ELAPOR2: variants seen among roughly 807,000 people sequenced by gnomAD.
ELAPOR2 encodes endosome/lysosome-associated apoptosis and autophagy regulator family member 2.
In ELAPOR2, 89 loss-of-function variants were observed where a neutral mutation model predicts 120.7. The observed-to-expected ratio is 0.74, with a 90% CI of 0.62 to 0.88. ELAPOR2 has a LOEUF of 0.88. Ranked by LOEUF, ELAPOR2 falls within the 40% of genes least tolerant of loss-of-function variation. ELAPOR2 has a pLI of 0.00. For missense variants in ELAPOR2, 1,134 were observed against 1,251.6 expected, an observed-to-expected ratio of 0.91 and a Z score of 1.42; for synonymous variants, 444 against 444.9, an observed-to-expected ratio of 1.00 and a Z score of 0.03.
intron 18 of ELAPOR2, among the ~76,000 whole-genome samples, chr7:86,901,658 A>G (rs571484198): frequency 6.6e-6 from 1 of 152,344 alleles, no homozygotes; most frequent in African/African-American, 2.4e-5. Flanking sequence ...GAAAGGCCAC[A>G]GTTTTGTGTA....
rs548456315 is a variant in ELAPOR2 at position 87,042,854 on chromosome 7, T to A, written c.189+16471A>T. On this transcript the variant is annotated intron_variant, in intron 1 of 21. Coordinates refer to ENST00000450689, the MANE Select transcript of ELAPOR2 (RefSeq NM_001142749.3). ...TTTTGAAAGGATCAACAAAATTGAA[T>A]GACCACTAGAAAGACTAATAAAGAC... 2.2e-4 allele frequency among the ~76,000 whole-genome samples: 34 copies of A among 151,954 alleles called. 1 individual carries two copies. In the South Asian group the frequency reaches 6.5e-3, roughly 29 times the overall value.
intron 1 of ELAPOR2, among the ~76,000 whole-genome samples, chr7:87,013,197 G>A (rs906335566): frequency 5.9e-5 from 9 of 152,104 alleles, no homozygotes; most frequent in South Asian, 2.1e-4. Context: ...TTCAATAGAA[G>A]AGAATGAAGC....
chr7:87,053,584 G>A (rs902857571), intron 1 of ELAPOR2, among the ~76,000 whole-genome samples: 1 of 152,160 alleles, frequency 6.6e-6, no homozygotes, highest in African/African-American at 2.4e-5. Flanking sequence ...GGTGCCCTTG[G>A]AGAGAGCACA....
Position 86,919,224 on chromosome 7 carries a change from ATC to A in ELAPOR2, c.1484_1485del (p.Gly495ValfsTer2), listed in dbSNP as rs1562921949. ...AATTAGAATTGTTTTCCTTACTTAAATCCTGGGATATGCAAGTTTAAGATCAG... is the reference window on the plus strand; with the variant it reads ...AATTAGAATTGTTTTCCTTACTTAAACTGGGATATGCAAGTTTAAGATCAG... ...DYLILNLHIP[G>X]FKPPTSMTGA... On this transcript the variant is annotated frameshift_variant, in exon 11 of 22. Transcript: ENST00000450689. LOFTEE classifies it high-confidence loss of function. 1 of 1,607,666 alleles carries A rather than the reference ATC, an allele frequency of 6.2e-7. No individual in the cohort carries two copies. Among genetic ancestry groups the A allele is most frequent in the Admixed American group, 1.7e-5 (1 of 59,854 alleles).
chr7:86,880,740 C>G (rs1799360121), intron 21 of ELAPOR2, among the ~76,000 whole-genome samples: 1 of 150,876 alleles, frequency 6.6e-6, no homozygotes, highest in South Asian at 2.1e-4. Flanking sequence ...AGAGATAAGA[C>G]AGACAAATTC....
At chr7:87,033,775 A>G (rs1794492679) in intron 1 of ELAPOR2, among the ~76,000 whole-genome samples, 1 of 151,082 alleles carries the variant, frequency 6.6e-6, no homozygotes, top group African/African-American at 2.5e-5. Context: ...TGCAATCTGT[A>G]CAAAAAAAAT....
At chr7:86,999,453 T>C (rs997103560) in intron 1 of ELAPOR2, among the ~76,000 whole-genome samples, 4 of 152,192 alleles carry the variant, frequency 2.6e-5, no homozygotes, top group African/African-American at 9.6e-5. Flanking sequence ...TGAAATATTC[T>C]ATAAGTTATC....
At chr7:86,905,016 A>AGAAT (rs1314308337) in intron 18 of ELAPOR2, among the ~76,000 whole-genome samples, 1 of 151,440 alleles carries the variant, frequency 6.6e-6, no homozygotes, top group Non-Finnish European at 1.5e-5. Flanking sequence ...TAAAGCTGAA[A>AGAAT]GAATGAATGA....
chr7:87,037,001 G>A (rs1347987460), intron 1 of ELAPOR2, among the ~76,000 whole-genome samples: 4 of 151,934 alleles, frequency 2.6e-5, no homozygotes, highest in African/African-American at 7.3e-5. Flanking sequence ...CCAGATTTAC[G>A]GGTCTCCTTC....
At chr7:86,965,056 A>G in intron 1 of ELAPOR2, 32 bp from the exon 2 acceptor site, 1 of 1,551,068 alleles carries the variant, frequency 6.4e-7, no homozygotes, top group Non-Finnish European at 8.7e-7. Flanking sequence ...AGCCTTTGTT[A>G]GAGCCAGTTC....
intron 1 of ELAPOR2, among the ~76,000 whole-genome samples, chr7:86,982,642 T>G (rs1792547920): frequency 6.6e-6 from 1 of 152,034 alleles, no homozygotes; most frequent in Admixed American, 6.5e-5. Context: ...AGCATCAACA[T>G]CAACAAAAAG....
chr7:87,059,448 G>A lies in ELAPOR2; in HGVS notation c.66C>T (p.Arg22=). The A allele has an allele frequency of 2.4e-6, 3 of 1,227,980 alleles. No individual in the cohort carries two copies. The highest frequency in any genetic ancestry group is 3.2e-5 in the East Asian group (1 of 31,050). The allele number at this position is 1,227,980 out of a possible 1,614,324, so 76.1% of individuals were successfully genotyped here. A position where few individuals can be genotyped will look rare whatever the true frequency, so the allele number is the denominator to read the frequency against. Residue 22 remains arginine (R), a synonymous_variant, in exon 1 of 22, where the codon CGC becomes CGT. Coordinates refer to ENST00000450689, the MANE Select transcript of ELAPOR2 (RefSeq NM_001142749.3). ...RGWGRPAEAP[R]RGRSPPWSPA... ...GGCTCCAGGGCGGCGAGCGCCCGCGGCGGGGAGCCTCCGCCGGCCGCCCCC... is the reference window on the plus strand; with the variant it reads ...GGCTCCAGGGCGGCGAGCGCCCGCGACGGGGAGCCTCCGCCGGCCGCCCCC...
intron 1 of ELAPOR2, among the ~76,000 whole-genome samples, chr7:87,005,537 T>C (rs772301604): frequency 6.6e-6 from 1 of 152,198 alleles, no homozygotes; most frequent in African/African-American, 2.4e-5. Flanking sequence ...TAGGTTTTTA[T>C]GAATACTGCT....
intron 1 of ELAPOR2, among the ~76,000 whole-genome samples, chr7:87,002,659 G>A (rs527712646): frequency 6.6e-6 from 1 of 152,126 alleles, no homozygotes; most frequent in East Asian, 1.9e-4. Context: ...ACTTCATTGG[G>A]GGTAGAGTTC....
At chr7:86,937,603 T>C (rs1308017570) in intron 8 of ELAPOR2, among the ~76,000 whole-genome samples, 1 of 152,104 alleles carries the variant, frequency 6.6e-6, no homozygotes, top group Non-Finnish European at 1.5e-5. Flanking sequence ...TACACAGTAA[T>C]CTGCCATAAC....
At position 86,944,893 on chromosome 7, in the gene ELAPOR2, T is replaced by A; in HGVS notation, c.654+6A>T. ...AAAGTAAATTCCAGAATACAAAAGG[T>A]CTTACAAAGAACTCAAAGAAGATGT... On this transcript the variant is annotated splice_donor_region_variant and intron_variant, in intron 4 of 21. Transcript: ENST00000450689. 6.5e-7 allele frequency: 1 copy of A among 1,536,172 alleles called. No individual in the cohort carries two copies. Among genetic ancestry groups the A allele is most frequent in the Non-Finnish European group, 8.8e-7 (1 of 1,142,748 alleles).
chr7:86,916,908 A>T (rs539334007), intron 12 of ELAPOR2, among the ~76,000 whole-genome samples: 1 of 149,522 alleles, frequency 6.7e-6, no homozygotes, highest in East Asian at 2.0e-4. Flanking sequence ...GCTCCCAAGT[A>T]GCTCAAAGTA....
rs146943040 is a variant in ELAPOR2, at chr7:86,897,529, C to T, written c.2662G>A (p.Gly888Arg). 49 of 1,612,764 alleles carry T rather than the reference C, an allele frequency of 3.0e-5. No individual in the cohort carries two copies. Among genetic ancestry groups the T allele is most frequent in the Middle Eastern group, 1.6e-4 (1 of 6,070 alleles). ...CTEHDFHEIEGACKRGFQETL... is the reference protein window; with the variant it reads ...CTEHDFHEIERACKRGFQETL... ...ACCTGAAATCCTCTCTTGCAGGCTCCCTCAATCTCATGGAAGTCATGCTCC... is the reference window on the plus strand; with the variant it reads ...ACCTGAAATCCTCTCTTGCAGGCTCTCTCAATCTCATGGAAGTCATGCTCC... Residue 888 changes from glycine to arginine, a missense_variant, in exon 19 of 22, where the codon GGA becomes AGA. Physicochemically the swap from Gly to Arg is moderately radical, Grantham distance 125 (BLOSUM62 -2). Transcript: ENST00000450689.
At chr7:86,938,300 C>T in intron 7 of ELAPOR2, 86 bp from the exon 8 acceptor site, 4 of 985,728 alleles carry the variant, frequency 4.1e-6, no homozygotes, top group Non-Finnish European at 6.2e-6. Context: ...GAAAAAGCAA[C>T]TAAAAAGTAC....
Sources: gnomAD v4.1 joint callset for allele counts (sites outside exome capture counted in the v4.1 genomes callset) on GRCh38, gnomAD v4.1.1 for gene constraint, MANE v1.5 for transcripts, NCBI Gene and HGNC (gene_info 2026-07-23, HGNC 2026-07-21) for gene names.